SLC25A21: variants seen among roughly 807,000 people sequenced by gnomAD.
SLC25A21 encodes mitochondrial 2-oxodicarboxylate carrier.
SLC25A21 carries 47 observed loss-of-function variants against 43.8 expected under a neutral mutation model. The ratio of observed to expected loss-of-function variants is 1.07; its 90% CI spans 0.85 to 1.37. SLC25A21 has a LOEUF of 1.37. SLC25A21 is among the 40% of genes most tolerant of loss of function. SLC25A21 has a pLI of 0.00. For synonymous variants in SLC25A21, 131 were observed against 121.3 expected, an observed-to-expected ratio of 1.08 and a Z score of -0.52; for missense variants, 352 against 350.2, an observed-to-expected ratio of 1.00 and a Z score of -0.04.
At chr14:36,941,276 A>C (rs1187450739) in intron 1 of SLC25A21, among the ~76,000 whole-genome samples, 1 of 152,238 alleles carries the variant, frequency 6.6e-6, no homozygotes, top group Admixed American at 6.5e-5. Flanking sequence ...TATTAGCTCA[A>C]ATATATAGTT....
intron 2 of SLC25A21, among the ~76,000 whole-genome samples, chr14:36,831,913 C>T (rs943985061): frequency 6.6e-6 from 1 of 152,138 alleles, no homozygotes; most frequent in East Asian, 1.9e-4. Flanking sequence ...TCTTTTCCTT[C>T]GAGCTATTTT....
chr14:36,809,819 G>A (rs75329611), intron 3 of SLC25A21, among the ~76,000 whole-genome samples: 2,813 of 152,288 alleles, frequency 0.018, 75 homozygotes, highest in African/African-American at 0.063. Flanking sequence ...AGTCAAAATT[G>A]ACTAGTGCTA....
intron 3 of SLC25A21, among the ~76,000 whole-genome samples, chr14:36,773,145 T>C (rs1178835867): frequency 6.6e-6 from 1 of 151,696 alleles, no homozygotes; most frequent in African/African-American, 2.4e-5. Flanking sequence ...AAACTTAAAA[T>C]ACTTTGCTTG....
intron 1 of SLC25A21, among the ~76,000 whole-genome samples, chr14:37,166,829 C>T (rs575673095): frequency 6.6e-6 from 1 of 152,082 alleles, no homozygotes; most frequent in South Asian, 2.1e-4. Context: ...AGCCATTAGG[C>T]AAACAATTAG....
At position 36,730,069 on chromosome 14, in the gene SLC25A21, C is replaced by T. The variant is rs17105144; in HGVS notation, c.271-503G>A. 4.7e-3 allele frequency among the ~76,000 whole-genome samples: 719 copies of T among 152,264 alleles called. 6 individuals are homozygous for T. Among genetic ancestry groups the T allele is most frequent in the African/African-American group, 0.016 (675 of 41,542 alleles). On this transcript the variant is annotated intron_variant, in intron 4 of 9. Coordinates refer to ENST00000331299, the MANE Select transcript of SLC25A21 (RefSeq NM_030631.4). ...AAAACACTAAATAATTATGAAGATG[C>T]CATGATAAACTAGGGAAGGACTCAA...
At chr14:37,019,808 A>C (rs931436145) in intron 1 of SLC25A21, among the ~76,000 whole-genome samples, 3 of 151,836 alleles carry the variant, frequency 2.0e-5, no homozygotes, top group Admixed American at 6.6e-5. Flanking sequence ...TGAAGAACTA[A>C]GGAGGCTTTG....
intron 1 of SLC25A21, among the ~76,000 whole-genome samples, chr14:36,967,774 G>T (rs1473259737): frequency 6.6e-6 from 1 of 152,214 alleles, no homozygotes. Context: ...CTCCCTGCCT[G>T]TGTGGAGACT....
chr14:36,902,817 C>CA (rs575063198), intron 1 of SLC25A21, among the ~76,000 whole-genome samples: 1 of 151,834 alleles, frequency 6.6e-6, no homozygotes, highest in South Asian at 2.1e-4. Context: ...GGCATCTCTA[C>CA]AAAAAATAAG....
At chr14:36,902,255 C>A (rs1891415583) in intron 1 of SLC25A21, among the ~76,000 whole-genome samples, 1 of 152,160 alleles carries the variant, frequency 6.6e-6, no homozygotes, top group Admixed American at 6.5e-5. Flanking sequence ...AGAGACTATT[C>A]TGATGAGGGT....
chr14:36,738,463 A>G (rs1399753476), intron 3 of SLC25A21, among the ~76,000 whole-genome samples: 3 of 152,234 alleles, frequency 2.0e-5, no homozygotes, highest in Non-Finnish European at 4.4e-5. Flanking sequence ...CATTGTTAAC[A>G]TGCGTCATCC....
chr14:36,777,225 T>C (rs1173318100), intron 3 of SLC25A21, among the ~76,000 whole-genome samples: 4 of 152,098 alleles, frequency 2.6e-5, no homozygotes, highest in Non-Finnish European at 4.4e-5. Context: ...GCCACTGCAC[T>C]TCCGCATGGG....
chr14:36,685,162 T>C (rs1882480556), intron 7 of SLC25A21, among the ~76,000 whole-genome samples: 1 of 152,246 alleles, frequency 6.6e-6, no homozygotes, highest in Non-Finnish European at 1.5e-5. Context: ...ACAGGATTTA[T>C]AAACACAGTT....
rs551093086 is a variant in SLC25A21 at position 36,878,657 on chromosome 14, T to A, written c.71-3653A>T. 8.5e-5 allele frequency among the ~76,000 whole-genome samples: 13 copies of A among 152,314 alleles called. No individual in the cohort carries two copies. In the South Asian group the frequency reaches 2.7e-3, roughly 32 times the overall value. On this transcript the variant is annotated intron_variant, in intron 1 of 9. Transcript: ENST00000331299. ...ACCTACTATGAAGGCACAAACTAAATAATGAGCTAGTGAGCACAAATTTTA... is the reference window on the plus strand; with the variant it reads ...ACCTACTATGAAGGCACAAACTAAAAAATGAGCTAGTGAGCACAAATTTTA...
intron 1 of SLC25A21, among the ~76,000 whole-genome samples, chr14:37,050,254 C>T (rs1350558361): frequency 6.6e-6 from 1 of 152,206 alleles, no homozygotes; most frequent in African/African-American, 2.4e-5. Flanking sequence ...TAAACACACA[C>T]ACATATTTGT....
chr14:36,731,392 A>G (rs1216703513), intron 4 of SLC25A21, among the ~76,000 whole-genome samples: 2 of 152,238 alleles, frequency 1.3e-5, no homozygotes, highest in Admixed American at 6.5e-5. Flanking sequence ...CTGTGAAAGC[A>G]CAGGAAAGCT....
At chr14:36,796,589 G>C (rs1887682588) in intron 3 of SLC25A21, among the ~76,000 whole-genome samples, 1 of 151,954 alleles carries the variant, frequency 6.6e-6, no homozygotes, top group Admixed American at 6.6e-5. Flanking sequence ...CTCACTACTT[G>C]CCTTCCAGGA....
intron 1 of SLC25A21, among the ~76,000 whole-genome samples, chr14:36,879,808 C>T (rs1271236777): frequency 1.5e-5 from 2 of 137,888 alleles, no homozygotes; most frequent in African/African-American, 2.6e-5. Flanking sequence ...ACCTGCACCA[C>T]ACTCTTTTCC....
At chr14:36,996,042 C>T (rs1440176507) in intron 1 of SLC25A21, among the ~76,000 whole-genome samples, 1 of 152,124 alleles carries the variant, frequency 6.6e-6, no homozygotes. Flanking sequence ...ACCTGCTTTC[C>T]AACCTGGGTC....
chr14:36,974,791 C>CA (rs1959832399), intron 1 of SLC25A21, among the ~76,000 whole-genome samples: 2 of 152,190 alleles, frequency 1.3e-5, no homozygotes, highest in South Asian at 4.1e-4. Context: ...TCTAGGAATA[C>CA]AAAAAATTCA....
Sources: gnomAD v4.1 joint callset for allele counts (sites outside exome capture counted in the v4.1 genomes callset) on GRCh38, gnomAD v4.1.1 for gene constraint, MANE v1.5 for transcripts, NCBI Gene and HGNC (gene_info 2026-07-23, HGNC 2026-07-21) for gene names.